The following TRIM50 variants were observed in gnomAD, a reference collection of about 807,000 sequenced individuals.
TRIM50 encodes the protein E3 ubiquitin-protein ligase TRIM50.
In TRIM50, 34 loss-of-function variants were observed where a neutral mutation model predicts 44.9. The observed-to-expected ratio is 0.76, with a 90% confidence interval of 0.58 to 1.01. The LOEUF (loss-of-function observed/expected upper bound fraction) is 1.01, where lower values mean the gene tolerates loss of function less well. TRIM50 is among the 50% of genes least tolerant of loss of function. TRIM50 has a pLI of 0.00. For synonymous variants in TRIM50, 307 were observed against 291.1 expected (o/e 1.05, Z -0.56); for missense variants, 633 against 663.7 (o/e 0.95, Z 0.51).
chr7:73,314,832 A>G (rs1394272963), intron 6 of TRIM50: 6 of 181,880 alleles, frequency 3.3e-5, no homozygotes, highest in African/African-American at 1.2e-4. Context: ...CCTGGGTGAC[A>G]GAGACTCTGT....
In TRIM50 at chr7:73,313,100, CGAA is replaced by C. The variant is rs781907678; in HGVS notation, c.1282_1284del (p.Phe428del). ...CGCAGGTCATCGGGGCGGTCGGCAT[CGAA>C]GAAGGTGAGTTCGCCCTGCTCATAG... On this transcript the variant is annotated inframe_deletion, in exon 7 of 7. Transcript: ENST00000333149. This position sits in a 1 kb window ranked among gnomAD's most constrained non-coding sequence, Gnocchi z 4.9. 5.0e-6 allele frequency: 8 copies of C among 1,593,916 alleles called. No individual in the cohort carries two copies. The highest frequency in any genetic ancestry group is 1.3e-5 in the African/African-American group (1 of 74,756).
intron 3 of TRIM50, among the ~76,000 whole-genome samples, 180 bp downstream of exon 3, chr7:73,319,967 G>T (rs371428895): frequency 2.0e-4 from 30 of 152,324 alleles, no homozygotes; most frequent in African/African-American, 7.0e-4. Context: ...CAGTCCTAAC[G>T]ACAACTGGGT....
intron 5 of TRIM50, 195 bp from the exon 6 acceptor site, chr7:73,316,884 T>A: frequency 1.3e-6 from 1 of 749,866 alleles, no homozygotes; most frequent in Non-Finnish European, 2.0e-6. Flanking sequence ...GGAAACGCTC[T>A]ATAGTGGTGC....
chr7:73,318,207 C>A (rs143386046), intron 5 of TRIM50, among the ~76,000 whole-genome samples: 12 of 152,338 alleles, frequency 7.9e-5, no homozygotes, highest in Non-Finnish European at 1.5e-4. Context: ...CGACTCACTG[C>A]AGCATCAAAC....
chr7:73,325,014 A>ATGTGTGTGTGTGTGTGTGTG (rs3040867), intron 1 of TRIM50, among the ~76,000 whole-genome samples: 1 of 142,034 alleles, frequency 7.0e-6, no homozygotes, highest in East Asian at 2.1e-4. Context: ...CCTTGAAGAT[A>ATGTGTGTGTGTGTGTGTGTG]TGTGTGTGTG....
intron 6 of TRIM50, chr7:73,314,826 G>C (rs1309090818): frequency 1.1e-5 from 2 of 183,042 alleles, no homozygotes; most frequent in East Asian, 3.3e-4. Context: ...CTCCAGCCTG[G>C]GTGACAGAGA....
intron 6 of TRIM50, chr7:73,314,211 C>G (rs781862042): frequency 3.0e-5 from 11 of 366,192 alleles, no homozygotes; most frequent in Admixed American, 7.9e-5. Context: ...GAGAAAAGGC[C>G]TAAGACTTTT....
At chr7:73,324,239 G>C in intron 2 of TRIM50, 150 bp downstream of exon 2, 3 of 1,453,066 alleles carry the variant, frequency 2.1e-6, no homozygotes, top group Middle Eastern at 2.4e-4. Flanking sequence ...TTGAGCTGCA[G>C]CTCAAACGCT....
intron 6 of TRIM50, chr7:73,314,223 G>T: frequency 2.9e-6 from 1 of 344,284 alleles, no homozygotes; most frequent in Non-Finnish European, 5.4e-6. Context: ...AAGACTTTTG[G>T]CACTGGACAG....
intron 2 of TRIM50, 24 bp from the exon 3 acceptor site, chr7:73,320,266 C>T (rs782753492): frequency 4.3e-6 from 7 of 1,614,024 alleles, no homozygotes; most frequent in Non-Finnish European, 4.2e-6. Flanking sequence ...GCCATGGCCC[C>T]ATGAGCAGCT....
intron 2 of TRIM50, among the ~76,000 whole-genome samples, 158 bp downstream of exon 2, chr7:73,324,231 G>T (rs1280103615): frequency 5.9e-5 from 9 of 152,192 alleles, no homozygotes; most frequent in Admixed American, 5.9e-4. Context: ...CACCTGGGTT[G>T]AGCTGCAGCT....
rs370574459 is a variant in TRIM50 at position 73,316,697 on chromosome 7, T to C, written c.750-8A>G. ...GCCTGCGGCATCTCTGCTCTGCAGG[T>C]GACAGTTCACAGTACAAGAGAGTGA... is the stretch of plus-strand genomic sequence containing the variant. On this transcript the variant is annotated splice_region_variant and splice_polypyrimidine_tract_variant and intron_variant, in intron 5 of 6. Coordinates refer to ENST00000333149, the MANE Select transcript of TRIM50 (RefSeq NM_178125.3). 5.6e-6 allele frequency: 9 copies of C among 1,613,408 alleles called. No individual in the cohort carries two copies. In the African/African-American group the frequency reaches 1.2e-4, roughly 22 times the overall value.
At chr7:73,322,637 T>C (rs1222585125) in intron 2 of TRIM50, among the ~76,000 whole-genome samples, 6 of 152,224 alleles carry the variant, frequency 3.9e-5, no homozygotes, top group African/African-American at 1.4e-4. Flanking sequence ...TCTCTCTGAT[T>C]TCCGGGAGGC....
chr7:73,321,214 G>A (rs1804487751), intron 2 of TRIM50, among the ~76,000 whole-genome samples: 1 of 151,988 alleles, frequency 6.6e-6, no homozygotes, highest in South Asian at 2.1e-4. Flanking sequence ...AACTTCCCAG[G>A]CATAAGAGGG....
At position 73,313,430 on chromosome 7, in the gene TRIM50, C is replaced by T. The variant is rs370443781; in HGVS notation, c.955G>A (p.Gly319Arg). 4.0e-5 allele frequency: 62 copies of T among 1,564,524 alleles called. No individual in the cohort carries two copies. Among genetic ancestry groups the T allele is most frequent in the Non-Finnish European group, 4.7e-5 (54 of 1,160,430 alleles). ...LSKGNTVVQC[G>R]LLAQRRASQP... ...CTGGCTCGCCGCTGGGCCAGAAGCC[C>T]GCACTGCACCACCGTGTTGCCCTTG... is the stretch of plus-strand genomic sequence containing the variant. Residue 319 changes from glycine to arginine, a missense_variant, in exon 7 of 7, where the codon GGG (glycine) becomes AGG (arginine). By Grantham distance (125) the Gly-to-Arg change is moderately radical. Transcript: ENST00000333149. The surrounding 1 kb of genome is among the most constrained non-coding windows in gnomAD (Gnocchi z 4.9).
intron 2 of TRIM50, among the ~76,000 whole-genome samples, chr7:73,322,215 G>T (rs1365857190): frequency 6.6e-6 from 1 of 152,186 alleles, no homozygotes; most frequent in African/African-American, 2.4e-5. Context: ...CGGGCATGGT[G>T]GTGGGCGCCT....
In TRIM50 at chr7:73,320,146, C is replaced by T. The variant is rs376728009; in HGVS notation, c.495+1G>A. ...CAGGGGCAGAGGGAAGGGGCACTCA[C>T]GACGATTCGGGTCCGGTTGTTCACC... On this transcript the variant is annotated splice_donor_variant, in intron 3 of 6. Coordinates refer to ENST00000333149, the MANE Select transcript of TRIM50 (RefSeq NM_178125.3). LOFTEE classifies it high-confidence loss of function. 1.4e-5 allele frequency: 22 copies of T among 1,612,154 alleles called. No individual in the cohort carries two copies. Among genetic ancestry groups the T allele is most frequent in the South Asian group, 1.3e-4 (12 of 89,418 alleles).
In TRIM50 at chr7:73,313,649, G is replaced by C. The variant is rs1275983100; in HGVS notation, c.875-139C>G. On this transcript the variant is annotated intron_variant, in intron 6 of 6. Transcript: ENST00000333149. This position sits in a 1 kb window ranked among gnomAD's most constrained non-coding sequence, Gnocchi z 4.9. ...TCTCTCTAGCCCCAGGGTCTAGAAG[G>C]GGCCAGTACAGGGCTGCTCCCTGAA... 3.0e-6 allele frequency: 2 copies of C among 662,118 alleles called. No individual in the cohort carries two copies. Among genetic ancestry groups the C allele is most frequent in the Non-Finnish European group, 5.0e-6 (2 of 396,568 alleles). 41.0% of individuals were successfully genotyped at this position (662,118 alleles called of 1,614,324 possible).
intron 1 of TRIM50, among the ~76,000 whole-genome samples, chr7:73,326,396 C>A (rs1157137780): frequency 6.7e-6 from 1 of 148,660 alleles, no homozygotes; most frequent in Non-Finnish European, 1.5e-5. Flanking sequence ...AGCCACCAAG[C>A]CTGGCCTCTT....
Sources: gnomAD v4.1 joint callset for allele counts (sites outside exome capture counted in the v4.1 genomes callset) on GRCh38, gnomAD v4.1.1 for gene constraint, Gnocchi (gnomAD v3.1) non-coding constraint, MANE v1.5 for transcripts, NCBI Gene and HGNC (gene_info 2026-07-23, HGNC 2026-07-21) for gene names.